LRP11: variants seen among roughly 807,000 people sequenced by gnomAD.
The protein encoded by LRP11 is low-density lipoprotein receptor-related protein 11.
In LRP11, 25 loss-of-function variants were observed where a neutral mutation model predicts 43.1. The ratio of observed to expected loss-of-function variants is 0.58; its 90% CI spans 0.42 to 0.81. The LOEUF is 0.81. LRP11 is among the 30% of genes least tolerant of loss of function. The pLI is 0.00. For missense variants in LRP11, 623 were observed against 665.1 expected, an observed-to-expected ratio of 0.94 and a Z score of 0.70; for synonymous variants, 316 against 299.4, an observed-to-expected ratio of 1.06 and a Z score of -0.57.
At chr6:149,839,755 A>T (rs560665300) in intron 3 of LRP11, among the ~76,000 whole-genome samples, 1 of 152,276 alleles carries the variant, frequency 6.6e-6, no homozygotes, top group South Asian at 2.1e-4. Flanking sequence ...CCCAGGCTCA[A>T]CTGACTCTCA....
intron 3 of LRP11, chr6:149,842,675 A>G: frequency 6.4e-7 from 1 of 1,551,040 alleles, no homozygotes; most frequent in East Asian, 2.4e-5. Context: ...TGGACCATCC[A>G]TCTGTAAACA....
intron 1 of LRP11, among the ~76,000 whole-genome samples, chr6:149,862,438 G>A (rs1444214324): frequency 2.6e-5 from 4 of 152,184 alleles, no homozygotes; most frequent in African/African-American, 9.7e-5. Context: ...TGACATTCAT[G>A]TCCAACCACT....
intron 2 of LRP11, among the ~76,000 whole-genome samples, chr6:149,849,858 A>G (rs1776693017): frequency 6.6e-6 from 1 of 152,262 alleles, no homozygotes; most frequent in Non-Finnish European, 1.5e-5. Context: ...TAATTGTTTC[A>G]TAACTAATCT....
intron 4 of LRP11, among the ~76,000 whole-genome samples, chr6:149,836,684 C>T (rs1776475672): frequency 6.6e-6 from 1 of 152,056 alleles, no homozygotes; most frequent in African/African-American, 2.4e-5. Context: ...CATGGTGGTA[C>T]ATGCCTGCAG....
rs1583103842 is a variant in LRP11 at position 149,863,571 on chromosome 6, G to A, written c.450C>T (p.Arg150=). 2 of 1,390,700 alleles carry A rather than the reference G, an allele frequency of 1.4e-6. No homozygotes were observed. The highest frequency in any genetic ancestry group is 3.1e-5 in the East Asian group (1 of 32,128). 86.1% of individuals were successfully genotyped at this position (1,390,700 alleles called of 1,614,324 possible). ...CGAGCACGGCTGCCGGGGGCGCGGG[G>A]CGCCGGGGCAGCTCCACCACGGCCA... ...CSVAVVELPR[R]PAPPAAVLGC... The change falls in exon 1 of 7, where the codon CGC becomes CGT. Residue 150 remains arginine (R), a synonymous_variant. Coordinates refer to ENST00000239367, the MANE Select transcript of LRP11 (RefSeq NM_032832.6).
chr6:149,828,082 T>C (rs1490479728), intron 5 of LRP11, among the ~76,000 whole-genome samples: 2 of 150,712 alleles, frequency 1.3e-5, no homozygotes, highest in Admixed American at 6.6e-5. Context: ...TCCCAGCTAC[T>C]TGGGAAACTG....
At chr6:149,848,269 T>A (rs998619871) in intron 2 of LRP11, among the ~76,000 whole-genome samples, 6 of 151,926 alleles carry the variant, frequency 3.9e-5, no homozygotes, top group African/African-American at 1.5e-4. Context: ...CTGGTGGGAG[T>A]GCAAATTAGT....
chr6:149,841,730 T>A (rs1037007536), intron 3 of LRP11, among the ~76,000 whole-genome samples: 1 of 152,122 alleles, frequency 6.6e-6, no homozygotes, highest in African/African-American at 2.4e-5. Flanking sequence ...TTGGCCAACA[T>A]GGTGAAACCC....
chr6:149,839,844 C>T (rs563137918), intron 3 of LRP11, among the ~76,000 whole-genome samples: 4 of 152,080 alleles, frequency 2.6e-5, no homozygotes, highest in South Asian at 2.1e-4. Flanking sequence ...ATAAATAATA[C>T]GTGCATACTA....
At chr6:149,836,402 T>C in intron 4 of LRP11, 105 bp from the exon 5 acceptor site, 1 of 950,454 alleles carries the variant, frequency 1.1e-6, no homozygotes, top group African/African-American at 1.6e-5. Flanking sequence ...TATTTGGATG[T>C]AACAGCCCAC....
chr6:149,824,141 G>A (rs1376588607), intron 6 of LRP11, among the ~76,000 whole-genome samples: 2 of 152,198 alleles, frequency 1.3e-5, no homozygotes, highest in East Asian at 1.9e-4. Context: ...GAATTGGACC[G>A]CAACACCCAG....
chr6:149,853,576 C>T (rs540917247), intron 1 of LRP11, among the ~76,000 whole-genome samples: 12 of 152,278 alleles, frequency 7.9e-5, no homozygotes, highest in Middle Eastern at 3.4e-3. Flanking sequence ...GGTGCAGCCT[C>T]GGCTCACTGC....
At chr6:149,849,292 A>G (rs1467079184) in intron 2 of LRP11, among the ~76,000 whole-genome samples, 1 of 152,264 alleles carries the variant, frequency 6.6e-6, no homozygotes, top group South Asian at 2.1e-4. Context: ...CATGAAAGTC[A>G]GCATCATTTA....
At position 149,820,290 on chromosome 6, in the gene LRP11, T is replaced by G; in HGVS notation, c.*259A>C. On this transcript the variant is annotated 3_prime_UTR_variant, in exon 7 of 7. Coordinates refer to ENST00000239367, the MANE Select transcript of LRP11 (RefSeq NM_032832.6). ...GAATTTTCTCTCAGCTAAGTACACA[T>G]TTCTATTTTCAGGGACAGCTTACAT... is the stretch of plus-strand genomic sequence containing the variant. 1 of 307,732 alleles carries G rather than the reference T, an allele frequency of 3.2e-6. No individual in the cohort carries two copies. Among genetic ancestry groups the G allele is most frequent in the Non-Finnish European group, 6.0e-6 (1 of 165,550 alleles). 19.1% of individuals were successfully genotyped at this position (307,732 alleles called of 1,614,324 possible).
intron 1 of LRP11, among the ~76,000 whole-genome samples, chr6:149,853,361 G>C (rs1242832524): frequency 6.6e-6 from 1 of 152,072 alleles, no homozygotes; most frequent in African/African-American, 2.4e-5. Context: ...GTGGAGTGTT[G>C]GCTGGTAGCG....
intron 1 of LRP11, among the ~76,000 whole-genome samples, chr6:149,853,982 A>G (rs1210784964): frequency 1.3e-5 from 2 of 152,238 alleles, no homozygotes; most frequent in African/African-American, 4.8e-5. Flanking sequence ...CATACAAAAT[A>G]AAGCCTGCAT....
rs116921973 is a variant in LRP11 at position 149,834,256 on chromosome 6, T to C, written c.1252+1829A>G. ...AGTGCTGGGACCAATGAGTGACACCTAGCATGGGTAAGGGCTGATGGGGTA... is the reference window on the plus strand; with the variant it reads ...AGTGCTGGGACCAATGAGTGACACCCAGCATGGGTAAGGGCTGATGGGGTA... On this transcript the variant is annotated intron_variant, in intron 5 of 6. Coordinates refer to ENST00000239367, the MANE Select transcript of LRP11 (RefSeq NM_032832.6). 8.5e-4 allele frequency among the ~76,000 whole-genome samples: 129 copies of C among 152,316 alleles called. 1 individual carries two copies. The East Asian group carries it at 0.021, about 24-fold the overall frequency.
At chr6:149,825,332 TATTCTAC>T (rs976012416) in intron 6 of LRP11, among the ~76,000 whole-genome samples, 13 of 152,230 alleles carry the variant, frequency 8.5e-5, no homozygotes, top group Admixed American at 6.5e-4. Context: ...ACTTAGTAAA[TATTCTAC>T]TTCCTACACC....
chr6:149,844,349 CT>C (rs1339364638), intron 2 of LRP11, among the ~76,000 whole-genome samples: 1 of 152,176 alleles, frequency 6.6e-6, no homozygotes, highest in African/African-American at 2.4e-5. Flanking sequence ...CCTTGGCCTC[CT>C]TTTCTATCCA....
Sources: gnomAD v4.1 joint callset for allele counts (sites outside exome capture counted in the v4.1 genomes callset) on GRCh38, gnomAD v4.1.1 for gene constraint, MANE v1.5 for transcripts, NCBI Gene and HGNC (gene_info 2026-07-23, HGNC 2026-07-21) for gene names.